Variants in RANBP2 observed in about 807,000 individuals in gnomAD.
RANBP2 encodes E3 SUMO-protein ligase RanBP2.
In RANBP2, 57 loss-of-function variants were observed where a neutral mutation model predicts 303.6. The ratio of observed to expected loss-of-function variants is 0.19; its 90% CI spans 0.15 to 0.23. The LOEUF (loss-of-function observed/expected upper bound fraction) is 0.23, where lower values mean the gene tolerates loss of function less well. Ranked by LOEUF, RANBP2 falls within the 10% of genes least tolerant of loss-of-function variation. The pLI is 1.00. For missense variants in RANBP2, 3,138 were observed against 3,780.8 expected, an observed-to-expected ratio of 0.83 and a Z score of 4.46; for synonymous variants, 1,167 against 1,301.5, an observed-to-expected ratio of 0.90 and a Z score of 2.23.
At chr2:109,367,675 ACAATACTGTAATTTATTTAAC>A in the RANBP2 span, among the ~76,000 whole-genome samples, 1 of 152,178 alleles carries the variant, frequency 6.6e-6, no homozygotes, top group African/African-American at 2.4e-5. Context: ...CATTGAATGC[ACAATACTGTAATTTATTTAAC>A]CAGTCCCCTT....
the RANBP2 span, among the ~76,000 whole-genome samples, chr2:109,427,868 G>A: frequency 6.6e-6 from 1 of 152,262 alleles, no homozygotes; most frequent in African/African-American, 2.4e-5. Flanking sequence ...AGGCAGCAGT[G>A]CTCCCGGAGC....
chr2:109,362,052 CTA>C, the RANBP2 span, among the ~76,000 whole-genome samples: 1 of 151,632 alleles, frequency 6.6e-6, no homozygotes, highest in Non-Finnish European at 1.5e-5. Context: ...TGATTTTTCT[CTA>C]TTGTTTTCAA....
the RANBP2 span, among the ~76,000 whole-genome samples, chr2:109,724,321 T>C: frequency 6.6e-6 from 1 of 152,234 alleles, no homozygotes; most frequent in Admixed American, 6.5e-5. Flanking sequence ...AATGGTAGTT[T>C]AATGGGAATA....
the RANBP2 span, among the ~76,000 whole-genome samples, chr2:109,224,723 G>C: frequency 6.6e-6 from 1 of 152,258 alleles, no homozygotes; most frequent in Middle Eastern, 3.4e-3. Flanking sequence ...CCAGCATGGT[G>C]GTGGGCACCT....
chr2:109,376,611 G>C, the RANBP2 span, among the ~76,000 whole-genome samples: 43,938 of 152,216 alleles, frequency 0.29, 7,158 homozygotes, highest in Non-Finnish European at 0.38. Flanking sequence ...CGGTTGTCCA[G>C]GTAGAGTAAT....
chr2:109,502,940 G>A, the RANBP2 span: 1 of 152,208 alleles, frequency 6.6e-6, no homozygotes. Context: ...TTCATCTGCT[G>A]GAGACCAGAG....
At chr2:109,297,451 C>T in the RANBP2 span, among the ~76,000 whole-genome samples, 2 of 152,092 alleles carry the variant, frequency 1.3e-5, no homozygotes. Flanking sequence ...CATACCTCCT[C>T]CAGAGCCAGA....
chr2:109,540,395 A>C, the RANBP2 span, among the ~76,000 whole-genome samples: 1 of 150,884 alleles, frequency 6.6e-6, no homozygotes, highest in Non-Finnish European at 1.5e-5. Context: ...ATTTTCCTAT[A>C]CTCCTATCAA....
the RANBP2 span, among the ~76,000 whole-genome samples, chr2:109,183,639 G>A: frequency 1.1e-4 from 17 of 152,000 alleles, no homozygotes; most frequent in South Asian, 2.1e-3. Context: ...TATCCTGCCC[G>A]TCCACTCACT....
chr2:109,448,949 G>A, the RANBP2 span, among the ~76,000 whole-genome samples: 1 of 152,304 alleles, frequency 6.6e-6, no homozygotes, highest in South Asian at 2.1e-4. Flanking sequence ...AGCCGTGGCA[G>A]GGCCCCCTGA....
chr2:108,894,187 C>T, the RANBP2 span, among the ~76,000 whole-genome samples: 1 of 152,160 alleles, frequency 6.6e-6, no homozygotes, highest in East Asian at 1.9e-4. Context: ...CAGTTTGTTA[C>T]ACAGAAATAG....
chr2:108,871,520 C>T, the RANBP2 span, among the ~76,000 whole-genome samples: 4 of 152,040 alleles, frequency 2.6e-5, no homozygotes, highest in African/African-American at 9.7e-5. Flanking sequence ...CCACTGCACT[C>T]CAGCCTGGGC....
At chr2:109,528,670 G>C in the RANBP2 span, among the ~76,000 whole-genome samples, 1 of 152,238 alleles carries the variant, frequency 6.6e-6, no homozygotes, top group Non-Finnish European at 1.5e-5. Context: ...GGGCCGTGGG[G>C]CAGGAGGGGT....
chr2:108,816,608 G>T, the RANBP2 span, among the ~76,000 whole-genome samples: 5 of 152,142 alleles, frequency 3.3e-5, no homozygotes, highest in Non-Finnish European at 7.4e-5. Context: ...CACCAGTCCA[G>T]TTCCCATGAT....
At chr2:109,471,567 C>A in the RANBP2 span, among the ~76,000 whole-genome samples, 4 of 152,194 alleles carry the variant, frequency 2.6e-5, no homozygotes, top group Non-Finnish European at 5.9e-5. Flanking sequence ...CAAACCATAT[C>A]AGTCAGTGGC....
chr2:108,785,890 A>G (rs1678597729), downstream of RANBP2: 1 of 152,216 alleles, frequency 6.6e-6, no homozygotes, highest in Non-Finnish European at 1.5e-5. Context: ...GATTTTATAA[A>G]ACTTGGGCAT....
the RANBP2 span, among the ~76,000 whole-genome samples, chr2:109,489,017 C>T: frequency 1.3e-5 from 2 of 152,234 alleles, no homozygotes; most frequent in African/African-American, 4.8e-5. Flanking sequence ...AAAGCAGGAA[C>T]AGCTGACCTC....
chr2:109,015,418 G>A, the RANBP2 span, among the ~76,000 whole-genome samples: 1 of 152,156 alleles, frequency 6.6e-6, no homozygotes, highest in Admixed American at 6.5e-5. Flanking sequence ...TCTCCCTTAT[G>A]CTTTTCTCAG....
chr2:109,670,496 G>A, the RANBP2 span, among the ~76,000 whole-genome samples: 3 of 151,974 alleles, frequency 2.0e-5, no homozygotes, highest in African/African-American at 7.3e-5. Flanking sequence ...CACTATTGGG[G>A]GCTATGAGGA....
Sources: gnomAD v4.1 joint callset for allele counts (sites outside exome capture counted in the v4.1 genomes callset) on GRCh38, gnomAD v4.1.1 for gene constraint, MANE v1.5 for transcripts, NCBI Gene and HGNC (gene_info 2026-07-23, HGNC 2026-07-21) for gene names.